The following PTH2R variants were observed in gnomAD, a reference collection of about 807,000 sequenced individuals.
PTH2R encodes PTH2 receptor.
In PTH2R, 59 loss-of-function variants were observed where a neutral mutation model predicts 60.3. That is an observed-to-expected ratio of 0.98 (90% CI 0.79 to 1.22). PTH2R has a LOEUF of 1.22. PTH2R is among the 50% of genes most tolerant of loss of function. PTH2R has a pLI of 0.00. For missense variants in PTH2R, 749 were observed against 682.6 expected (o/e 1.10, Z -1.08); for synonymous variants, 256 against 243.8 (o/e 1.05, Z -0.47).
intron 1 of PTH2R, among the ~76,000 whole-genome samples, chr2:208,420,958 G>A (rs1701742514): frequency 6.6e-6 from 1 of 152,020 alleles, no homozygotes; most frequent in South Asian, 2.1e-4. Flanking sequence ...GCAACACCTG[G>A]CAACTACTAA....
chr2:208,393,722 T>A (rs1186313925), intron 1 of PTH2R, among the ~76,000 whole-genome samples: 1 of 152,190 alleles, frequency 6.6e-6, no homozygotes, highest in Non-Finnish European at 1.5e-5. Context: ...TGAGTTAAAT[T>A]TTGGAAAATT....
intron 1 of PTH2R, among the ~76,000 whole-genome samples, chr2:208,398,469 T>C (rs922417517): frequency 6.6e-6 from 1 of 152,214 alleles, no homozygotes; most frequent in African/African-American, 2.4e-5. Context: ...CTGATGATCT[T>C]GGTGATTTGG....
At position 208,493,842 on chromosome 2, in the gene PTH2R, A is replaced by G; in HGVS notation, c.*183A>G. On this transcript the variant is annotated 3_prime_UTR_variant, in exon 13 of 13. Transcript: ENST00000272847. The stretch of plus-strand genomic sequence containing the variant: ...CTAACGACATGAAAATGCAAGTGTC[A>G]ATGGAGTAGTTTATTACCTTCTATT... 1 of 538,244 alleles carries G rather than the reference A, an allele frequency of 1.9e-6. No individual in the cohort carries two copies. Among genetic ancestry groups the G allele is most frequent in the Non-Finnish European group, 3.1e-6 (1 of 325,274 alleles). The allele number at this position is 538,244 out of a possible 1,614,324, so 33.3% of individuals were successfully genotyped here.
chr2:208,376,392 T>C (rs570153083), intron 1 of PTH2R, among the ~76,000 whole-genome samples: 1 of 152,288 alleles, frequency 6.6e-6, no homozygotes, highest in Admixed American at 6.5e-5. Flanking sequence ...TGCACTTTTA[T>C]GTGTGTTTTT....
At chr2:208,492,005 T>C (rs1022549265) in intron 12 of PTH2R, among the ~76,000 whole-genome samples, 1 of 152,202 alleles carries the variant, frequency 6.6e-6, no homozygotes. Flanking sequence ...TTTGCCAAGA[T>C]GAACAGATAG....
At chr2:208,398,136 A>C (rs1349265557) in intron 1 of PTH2R, among the ~76,000 whole-genome samples, 1 of 152,244 alleles carries the variant, frequency 6.6e-6, no homozygotes, top group Non-Finnish European at 1.5e-5. Context: ...CAGAAGTCAT[A>C]GAAAAGACTG....
At chr2:208,368,824 C>A (rs1700641526) in intron 1 of PTH2R, among the ~76,000 whole-genome samples, 1 of 152,166 alleles carries the variant, frequency 6.6e-6, no homozygotes, top group African/African-American at 2.4e-5. Context: ...GTGCTTTACC[C>A]AAGTAAGACT....
chr2:208,453,938 T>A (rs954574785), intron 8 of PTH2R, among the ~76,000 whole-genome samples: 4 of 152,190 alleles, frequency 2.6e-5, no homozygotes, highest in Non-Finnish European at 1.5e-5. Context: ...GATCATTATA[T>A]ATAAACAGAA....
At chr2:208,468,641 C>T (rs1331965945) in intron 9 of PTH2R, among the ~76,000 whole-genome samples, 3 of 152,184 alleles carry the variant, frequency 2.0e-5, no homozygotes, top group African/African-American at 7.2e-5. Flanking sequence ...AATGTGCTTC[C>T]TTCTGTGCCT....
At chr2:208,480,329 C>T (rs182913463) in intron 9 of PTH2R, among the ~76,000 whole-genome samples, 1 of 152,256 alleles carries the variant, frequency 6.6e-6, no homozygotes, top group Admixed American at 6.5e-5. Context: ...GGAAAGCAGA[C>T]ATCTCCCTGA....
At chr2:208,397,256 T>A (rs145994856) in intron 1 of PTH2R, among the ~76,000 whole-genome samples, 2,830 of 151,534 alleles carry the variant, frequency 0.019, 94 homozygotes, top group African/African-American at 0.064. Context: ...TATAAATATG[T>A]AACAAACCTG....
chr2:208,439,737 C>T (rs868373607), intron 4 of PTH2R, among the ~76,000 whole-genome samples: 4 of 152,010 alleles, frequency 2.6e-5, no homozygotes, highest in Non-Finnish European at 4.4e-5. Flanking sequence ...ATATTTAAAA[C>T]AGTAGCATAC....
At chr2:208,465,948 G>T (rs904625971) in intron 9 of PTH2R, among the ~76,000 whole-genome samples, 6 of 151,860 alleles carry the variant, frequency 4.0e-5, no homozygotes, top group Non-Finnish European at 2.9e-5. Context: ...ATTTATAACT[G>T]CTATAAAGGT....
intron 9 of PTH2R, among the ~76,000 whole-genome samples, chr2:208,465,795 T>G (rs911132353): frequency 6.6e-6 from 1 of 152,238 alleles, no homozygotes; most frequent in African/African-American, 2.4e-5. Context: ...TACTTGCATG[T>G]AGGATTTCTG....
At chr2:208,459,000 TC>T in intron 8 of PTH2R, among the ~76,000 whole-genome samples, 1 of 97,690 alleles carries the variant, frequency 1.0e-5, no homozygotes, top group East Asian at 7.1e-4. Flanking sequence ...GAATGGTAGT[TC>T]TTCTTTTAGC....
At chr2:208,388,141 C>CA (rs369282889) in intron 1 of PTH2R, among the ~76,000 whole-genome samples, 15 of 150,314 alleles carry the variant, frequency 1.0e-4, no homozygotes, top group Non-Finnish European at 1.8e-4. Flanking sequence ...AACCCCCCCC[C>CA]CCGTCTCTAC....
At chr2:208,411,869 A>G (rs770889214) in intron 1 of PTH2R, among the ~76,000 whole-genome samples, 4 of 152,256 alleles carry the variant, frequency 2.6e-5, no homozygotes. Flanking sequence ...TGAATTAAAC[A>G]TATACAAACA....
chr2:208,377,292 A>G (rs1456657233), intron 1 of PTH2R, among the ~76,000 whole-genome samples: 1 of 152,108 alleles, frequency 6.6e-6, no homozygotes, highest in Non-Finnish European at 1.5e-5. Context: ...ACACAGCAAC[A>G]ATCTGATTTC....
chr2:208,386,780 C>A (rs916211944), intron 1 of PTH2R, among the ~76,000 whole-genome samples: 1 of 152,108 alleles, frequency 6.6e-6, no homozygotes, highest in Admixed American at 6.6e-5. Flanking sequence ...GGAGGAAGTG[C>A]CTAAGGACAC....
Sources: allele counts gnomAD v4.1 joint callset (sites outside exome capture counted in the v4.1 genomes callset), GRCh38; gene constraint gnomAD v4.1.1; transcripts MANE v1.5; gene names NCBI Gene and HGNC (gene_info 2026-07-23, HGNC 2026-07-21).